Variants in PEAK1 observed in about 807,000 individuals in gnomAD.
The protein encoded by PEAK1 is inactive tyrosine-protein kinase PEAK1.
Under a neutral mutation model 124.7 loss-of-function variants are expected in PEAK1, and 54 were observed. That is an observed-to-expected ratio of 0.43 (90% CI 0.35 to 0.54). The LOEUF is 0.54. Ranked by LOEUF, PEAK1 falls within the 20% of genes least tolerant of loss-of-function variation. The pLI is 0.01. For missense variants in PEAK1, 2,046 were observed against 2,134.5 expected (o/e 0.96, Z 0.82); for synonymous variants, 719 against 760.0 (o/e 0.95, Z 0.89).
chr15:77,116,499 G>T (rs1195931277), intron 9 of PEAK1, among the ~76,000 whole-genome samples: 1 of 151,750 alleles, frequency 6.6e-6, no homozygotes, highest in Admixed American at 6.6e-5. Flanking sequence ...ACATTCTTAG[G>T]AAGATTCAGA....
intron 1 of PEAK1, among the ~76,000 whole-genome samples, chr15:77,368,141 T>C (rs1286004116): frequency 6.6e-6 from 1 of 152,194 alleles, no homozygotes; most frequent in African/African-American, 2.4e-5. Flanking sequence ...TTATAATGTG[T>C]GAATGTGTTT....
In PEAK1 at chr15:77,179,307, G is replaced by A. The variant is rs373048442; in HGVS notation, c.2620C>T (p.Arg874Cys). Residue 874 changes from arginine to cysteine, a missense_variant, in exon 7 of 10, where the codon CGC (arginine) becomes TGC (cysteine). Arg to Cys is a radical substitution (Grantham distance 180). Coordinates refer to ENST00000682557, the MANE Select transcript of PEAK1 (RefSeq NM_001385026.1). ...GCATGGTAAGGAGAAGAAGTAGAGCGTGGCGGGGGAAAGGGAGCTGGTGGC... is the reference window on the plus strand; with the variant it reads ...GCATGGTAAGGAGAAGAAGTAGAGCATGGCGGGGGAAAGGGAGCTGGTGGC... ...SEPPAPFPPPRSTSSPYHAGN... is the reference protein window; with the variant it reads ...SEPPAPFPPPCSTSSPYHAGN... The A allele has an allele frequency of 9.9e-6, 16 of 1,613,978 alleles. No homozygotes were observed. Among genetic ancestry groups the A allele is most frequent in the South Asian group, 7.7e-5 (7 of 91,082 alleles).
intron 6 of PEAK1, among the ~76,000 whole-genome samples, chr15:77,206,795 G>GT (rs2058680771): frequency 1.3e-5 from 2 of 152,144 alleles, no homozygotes; most frequent in Admixed American, 6.6e-5. Context: ...CACTCTGATG[G>GT]TAGTTTCTTT....
chr15:77,157,573 C>T (rs1342760867), intron 8 of PEAK1: 2 of 152,252 alleles, frequency 1.3e-5, no homozygotes, highest in African/African-American at 4.8e-5. Flanking sequence ...GTGCAGCATC[C>T]TCCTCACAAT....
intron 6 of PEAK1, among the ~76,000 whole-genome samples, chr15:77,245,985 C>A (rs933596566): frequency 6.6e-6 from 1 of 150,830 alleles, no homozygotes; most frequent in Non-Finnish European, 1.5e-5. Context: ...ATCAGCCTGT[C>A]GACTCCTATA....
At chr15:77,313,402 T>C (rs1156495654) in intron 2 of PEAK1, among the ~76,000 whole-genome samples, 1 of 152,144 alleles carries the variant, frequency 6.6e-6, no homozygotes, top group East Asian at 1.9e-4. Context: ...AAATAGTTTA[T>C]TCACTTCTTC....
chr15:77,363,321 G>T (rs919561978), intron 2 of PEAK1, among the ~76,000 whole-genome samples: 1 of 152,100 alleles, frequency 6.6e-6, no homozygotes, highest in Admixed American at 6.5e-5. Flanking sequence ...GCTCTTTACC[G>T]TATCTACATT....
At chr15:77,185,589 G>A (rs1289228520) in intron 6 of PEAK1, among the ~76,000 whole-genome samples, 1 of 152,190 alleles carries the variant, frequency 6.6e-6, no homozygotes, top group African/African-American at 2.4e-5. Context: ...ACCTTAGCAT[G>A]AACTATTTGG....
intron 2 of PEAK1, among the ~76,000 whole-genome samples, chr15:77,324,536 T>C (rs1009401282): frequency 1.3e-5 from 2 of 152,204 alleles, no homozygotes; most frequent in African/African-American, 4.8e-5. Flanking sequence ...CTCACTTTGC[T>C]ATAAAGAAAT....
chr15:77,168,239 A>G (rs76947519), intron 7 of PEAK1, among the ~76,000 whole-genome samples: 18 of 143,538 alleles, frequency 1.3e-4, no homozygotes, highest in African/African-American at 3.8e-4. Flanking sequence ...GTGCGCGCGC[A>G]CACACACACA....
intron 1 of PEAK1, chr15:77,418,605 A>G: frequency 1.0e-6 from 1 of 985,166 alleles, no homozygotes; most frequent in Non-Finnish European, 1.2e-6. Context: ...TAAGTCACCA[A>G]AGAGAAGTCC....
rs564484097 is a variant in PEAK1, at chr15:77,394,478, C to T, written c.-666+25528G>A. Among the ~76,000 whole-genome samples, 145 of 152,300 alleles carry T rather than the reference C, an allele frequency of 9.5e-4. No individual in the cohort carries two copies. In the South Asian group the frequency reaches 0.029, roughly 30 times the overall value. Reference sequence around the variant, plus strand: ...GAAGGTAAGGGAAGTGAACAAGAGTCTTGGCCTAGTAACCCAGAGACTTCT... The same window carrying T: ...GAAGGTAAGGGAAGTGAACAAGAGTTTTGGCCTAGTAACCCAGAGACTTCT... On this transcript the variant is annotated intron_variant, in intron 1 of 9. Transcript: ENST00000682557.
chr15:77,269,711 T>A (rs754709202), intron 5 of PEAK1, among the ~76,000 whole-genome samples: 16 of 152,134 alleles, frequency 1.1e-4, no homozygotes, highest in Non-Finnish European at 2.4e-4. Context: ...ACATGGAACA[T>A]TCTCCAAGAC....
Position 77,140,881 on chromosome 15 carries a change from T to A in PEAK1, c.3332-7131A>T, listed in dbSNP as rs116639816. 7.3e-3 allele frequency among the ~76,000 whole-genome samples: 1,108 copies of A among 152,184 alleles called. 15 individuals carry two copies. Among genetic ancestry groups the A allele is most frequent in the African/African-American group, 0.025 (1,052 of 41,510 alleles). On this transcript the variant is annotated intron_variant, in intron 8 of 9. Transcript: ENST00000682557. ...CCCCAAGTAGCCAGGACTACTATTT[T>A]TCATAGAGACAGGGTTTTGCCATGT...
rs1251888994 is a variant in PEAK1 at position 77,313,704 on chromosome 15, A to ATATG, written c.-602-27201_-602-27200insCATA. Among the ~76,000 whole-genome samples, 12 of 112,476 alleles carry ATATG rather than the reference A, an allele frequency of 1.1e-4. No homozygotes were observed. The South Asian group carries it at 1.3e-3, about 12-fold the overall frequency. 73.8% of individuals were successfully genotyped at this position (112,476 alleles called of 152,430 possible). A position where few individuals can be genotyped will look rare whatever the true frequency, so the allele number is the denominator to read the frequency against. ...TGTGTGTGTGTGTGTATATATATATATGTATGTGTGTGTGTGTGTGTGTAT... is the reference window on the plus strand; with the variant it reads ...TGTGTGTGTGTGTGTATATATATATATATGTGTATGTGTGTGTGTGTGTGTGTAT... On this transcript the variant is annotated intron_variant, in intron 2 of 9. Transcript: ENST00000682557.
At chr15:77,226,070 T>TATATATATATATATATATA (rs2059653270) in intron 6 of PEAK1, among the ~76,000 whole-genome samples, 1 of 136,950 alleles carries the variant, frequency 7.3e-6, no homozygotes, top group Non-Finnish European at 1.6e-5. Context: ...TATATATATA[T>TATATATATATATATATATA]ATATATATAT....
intron 8 of PEAK1, among the ~76,000 whole-genome samples, chr15:77,151,430 A>C (rs951535151): frequency 2.6e-5 from 4 of 152,176 alleles, no homozygotes; most frequent in Non-Finnish European, 5.9e-5. Context: ...AGATGAATAG[A>C]TTGCAAAAAT....
intron 2 of PEAK1, among the ~76,000 whole-genome samples, chr15:77,341,708 G>A (rs1466160608): frequency 6.6e-6 from 1 of 151,878 alleles, no homozygotes. Flanking sequence ...GCAATCTAGG[G>A]GTCCACCATA....
chr15:77,132,863 A>T (rs1039026785), intron 9 of PEAK1, 142 bp downstream of exon 9: 7 of 754,310 alleles, frequency 9.3e-6, no homozygotes, highest in African/African-American at 8.9e-5. Context: ...CCCCTGCTTA[A>T]TCTAGTATCT....
Sources: gnomAD v4.1 joint callset for allele counts (sites outside exome capture counted in the v4.1 genomes callset) on GRCh38, gnomAD v4.1.1 for gene constraint, MANE v1.5 for transcripts, NCBI Gene and HGNC (gene_info 2026-07-23, HGNC 2026-07-21) for gene names.